SUGCT: variants seen among roughly 807,000 people sequenced by gnomAD.
The protein encoded by SUGCT is succinyl-CoA:glutarate-CoA transferase, also known as succinyl-CoA:glutarate CoA-transferase.
SUGCT carries 41 observed loss-of-function variants against 55.0 expected under a neutral mutation model. That is an observed-to-expected ratio of 0.74 (90% CI 0.58 to 0.97). The LOEUF is 0.97. SUGCT is among the 50% of genes least tolerant of loss of function. The pLI is 0.00. For synonymous variants in SUGCT, 187 were observed against 200.4 expected, an observed-to-expected ratio of 0.93 and a Z score of 0.56; for missense variants, 568 against 547.8, an observed-to-expected ratio of 1.04 and a Z score of -0.37.
the SUGCT span, among the ~76,000 whole-genome samples, chr7:40,889,438 G>T: frequency 6.6e-6 from 1 of 152,162 alleles, no homozygotes; most frequent in East Asian, 1.9e-4. Context: ...TCTTGGAAAG[G>T]TTATGCCTTA....
chr7:40,358,650 G>A (rs1016916124), intron 9 of SUGCT, among the ~76,000 whole-genome samples: 22 of 152,064 alleles, frequency 1.4e-4, no homozygotes, highest in African/African-American at 5.3e-4. Flanking sequence ...TGAGGCACAG[G>A]TTGTAGTGAG....
chr7:40,782,487 G>T (rs2054420268), intron 13 of SUGCT: 2 of 152,076 alleles, frequency 1.3e-5, no homozygotes, highest in African/African-American at 2.4e-5. Flanking sequence ...AAACACTTGG[G>T]CTTTGTAAGT....
intron 12 of SUGCT, among the ~76,000 whole-genome samples, chr7:40,643,151 C>A (rs533308562): frequency 1.3e-5 from 2 of 152,234 alleles, no homozygotes; most frequent in East Asian, 1.9e-4. Context: ...CTAGGTACAG[C>A]CTCCTCTAAG....
At chr7:40,408,566 C>T (rs1786502267) in intron 9 of SUGCT, among the ~76,000 whole-genome samples, 1 of 152,162 alleles carries the variant, frequency 6.6e-6, no homozygotes, top group African/African-American at 2.4e-5. Context: ...ATTTTTCCCA[C>T]AGTTGCATCA....
At chr7:40,279,897 T>G (rs1562641404) in intron 8 of SUGCT, among the ~76,000 whole-genome samples, 1 of 152,158 alleles carries the variant, frequency 6.6e-6, no homozygotes, top group Non-Finnish European at 1.5e-5. Context: ...CTGCATTAAG[T>G]AGGTAACATT....
At position 40,264,775 on chromosome 7, in the gene SUGCT, G is replaced by A. The variant is rs192419240; in HGVS notation, c.577-9738G>A. Among the ~76,000 whole-genome samples, 5 of 152,214 alleles carry A rather than the reference G, an allele frequency of 3.3e-5. No homozygotes were observed. The East Asian group carries it at 9.6e-4, about 29-fold the overall frequency. On this transcript the variant is annotated intron_variant, in intron 7 of 13. Transcript: ENST00000335693. Reference sequence around the variant, plus strand: ...CAATAATCAAAGTCTCTGAATTCAAGTTTCTAAGTATCTCTTGAATCCATG... The same window carrying A: ...CAATAATCAAAGTCTCTGAATTCAAATTTCTAAGTATCTCTTGAATCCATG...
At chr7:41,002,833 A>AAT in the SUGCT span, among the ~76,000 whole-genome samples, 1 of 152,118 alleles carries the variant, frequency 6.6e-6, no homozygotes, top group Non-Finnish European at 1.5e-5. Flanking sequence ...GACAGCTTGA[A>AAT]AGGGCTGGGG....
chr7:40,797,595 T>C (rs190832145), intron 13 of SUGCT, among the ~76,000 whole-genome samples: 2 of 152,284 alleles, frequency 1.3e-5, no homozygotes, highest in East Asian at 3.9e-4. Flanking sequence ...TTCCTACATT[T>C]TCTATCCCAT....
chr7:40,856,823 A>C (rs2128805974), intron 13 of SUGCT, among the ~76,000 whole-genome samples: 1 of 152,330 alleles, frequency 6.6e-6, no homozygotes, highest in South Asian at 2.1e-4. Flanking sequence ...TTCCTCCAGA[A>C]GGATTGCACC....
intron 13 of SUGCT, among the ~76,000 whole-genome samples, chr7:40,754,666 C>T (rs1325988985): frequency 6.6e-6 from 1 of 152,178 alleles, no homozygotes; most frequent in Non-Finnish European, 1.5e-5. Flanking sequence ...AGTGTGTAGG[C>T]TGAGGAAAGG....
Position 40,860,741 on chromosome 7 carries a change from T to G in SUGCT, c.*262T>G, listed in dbSNP as rs1053953. The G allele has an allele frequency of 3.2e-6, 1 of 310,478 alleles. No individual in the cohort carries two copies. Among genetic ancestry groups the G allele is most frequent in the Non-Finnish European group, 5.8e-6 (1 of 172,254 alleles). 19.2% of individuals were successfully genotyped at this position (310,478 alleles called of 1,614,324 possible). On this transcript the variant is annotated 3_prime_UTR_variant, in exon 14 of 14. Coordinates refer to ENST00000335693, the MANE Select transcript of SUGCT (RefSeq NM_001193313.2). Reference sequence around the variant, plus strand: ...ATTTGTGGGATTTTTAAAAATAAAGTTTTAATTTTTTTCCTGGAAAAATGC... The same window carrying G: ...ATTTGTGGGATTTTTAAAAATAAAGGTTTAATTTTTTTCCTGGAAAAATGC...
chr7:40,594,479 G>T (rs531068060), intron 12 of SUGCT, among the ~76,000 whole-genome samples: 1 of 152,142 alleles, frequency 6.6e-6, no homozygotes. Context: ...AAGTTGCTAG[G>T]AATTTGCCCA....
intron 12 of SUGCT, among the ~76,000 whole-genome samples, chr7:40,594,996 T>G (rs1797925964): frequency 6.6e-6 from 1 of 152,222 alleles, no homozygotes; most frequent in African/African-American, 2.4e-5. Context: ...ATCATTTTAC[T>G]TTAGGGTAGC....
At chr7:40,782,811 C>G (rs893767353) in intron 13 of SUGCT, 3 of 152,170 alleles carry the variant, frequency 2.0e-5, no homozygotes, top group African/African-American at 7.2e-5. Flanking sequence ...CATAGAGGAA[C>G]ACGGTTATTT....
At chr7:40,677,933 T>A (rs1255146832) in intron 12 of SUGCT, among the ~76,000 whole-genome samples, 1 of 152,214 alleles carries the variant, frequency 6.6e-6, no homozygotes, top group Non-Finnish European at 1.5e-5. Flanking sequence ...GGACTGGGGT[T>A]GCAGGTGCTG....
intron 11 of SUGCT, among the ~76,000 whole-genome samples, chr7:40,466,932 G>T (rs1176477204): frequency 6.6e-6 from 1 of 152,154 alleles, no homozygotes; most frequent in African/African-American, 2.4e-5. Context: ...GGCCGGGCAC[G>T]GTGGCTTACG....
At chr7:40,169,120 A>G (rs1341617173) in intron 1 of SUGCT, among the ~76,000 whole-genome samples, 1 of 152,160 alleles carries the variant, frequency 6.6e-6, no homozygotes, top group African/African-American at 2.4e-5. Context: ...AAGCACACTT[A>G]GAGTCTGTAT....
At chr7:40,808,266 C>T (rs1791217304) in intron 13 of SUGCT, 1 of 152,184 alleles carries the variant, frequency 6.6e-6, no homozygotes. Flanking sequence ...GAGACTGGCC[C>T]CTGGCCTCAC....
rs1354788441 is a variant in SUGCT at position 40,423,207 on chromosome 7, CA to C, written c.817-26079del. On this transcript the variant is annotated intron_variant, in intron 9 of 13. Coordinates refer to ENST00000335693, the MANE Select transcript of SUGCT (RefSeq NM_001193313.2). ...AGAGGTATAATTTTAAATGGAGTCT[CA>C]TTTCTTATTTAATTTCATTATTACT... Among the ~76,000 whole-genome samples, 6 of 152,228 alleles carry C rather than the reference CA, an allele frequency of 3.9e-5. No individual in the cohort carries two copies. The East Asian group carries it at 1.2e-3, about 29-fold the overall frequency.
Sources: allele counts gnomAD v4.1 joint callset (sites outside exome capture counted in the v4.1 genomes callset), GRCh38; gene constraint gnomAD v4.1.1; transcripts MANE v1.5; gene names NCBI Gene and HGNC (gene_info 2026-07-23, HGNC 2026-07-21).